Variants in ARHGEF4 observed in about 807,000 individuals in gnomAD.
ARHGEF4 encodes Rho guanine nucleotide exchange factor 4, also known as APC-stimulated guanine nucleotide exchange factor 1.
ARHGEF4 carries 119 observed loss-of-function variants against 162.0 expected under a neutral mutation model. That is an observed-to-expected ratio of 0.73 (90% CI 0.63 to 0.86). ARHGEF4 has a LOEUF of 0.86. Among genes scored for constraint, ARHGEF4 ranks in the 40% least tolerant of loss-of-function variants. The pLI, the probability that ARHGEF4 is intolerant of heterozygous loss-of-function variation, is 0.00. For missense variants in ARHGEF4, 2,488 were observed against 2,456.0 expected (o/e 1.01, Z -0.28); for synonymous variants, 1,014 against 979.9 (o/e 1.03, Z -0.65).
intron 1 of ARHGEF4, among the ~76,000 whole-genome samples, chr2:130,909,684 C>T (rs1446322327): frequency 6.6e-6 from 1 of 151,756 alleles, no homozygotes; most frequent in East Asian, 1.9e-4. Flanking sequence ...AGCAGTAATA[C>T]AAAGAAAATA....
At chr2:131,015,311 C>G (rs1306984798) in intron 4 of ARHGEF4, among the ~76,000 whole-genome samples, 2 of 152,090 alleles carry the variant, frequency 1.3e-5, no homozygotes, top group African/African-American at 4.8e-5. Context: ...TTTGTACAAC[C>G]TAAAAATTAA....
chr2:131,001,843 T>C (rs1159023012), intron 4 of ARHGEF4, among the ~76,000 whole-genome samples: 1 of 152,146 alleles, frequency 6.6e-6, no homozygotes, highest in Non-Finnish European at 1.5e-5. Context: ...AGTAAGATTA[T>C]AGAAAATGCA....
intron 5 of ARHGEF4, among the ~76,000 whole-genome samples, chr2:131,032,592 T>C (rs1321659112): frequency 1.3e-5 from 2 of 151,918 alleles, no homozygotes; most frequent in South Asian, 2.1e-4. Context: ...GCTGCCACTT[T>C]TGCGCAGGGC....
At chr2:130,973,230 T>G (rs935864151) in intron 4 of ARHGEF4, among the ~76,000 whole-genome samples, 1 of 152,268 alleles carries the variant, frequency 6.6e-6, no homozygotes, top group Non-Finnish European at 1.5e-5. Context: ...GGCTCATGCC[T>G]GTAATCCCAT....
intron 4 of ARHGEF4, among the ~76,000 whole-genome samples, chr2:131,024,143 GA>G (rs1377805134): frequency 2.6e-5 from 4 of 152,210 alleles, no homozygotes; most frequent in Non-Finnish European, 5.9e-5. Context: ...GATCATACTG[GA>G]CTTATGAAAG....
intron 1 of ARHGEF4, among the ~76,000 whole-genome samples, chr2:130,845,759 T>G (rs914789555): frequency 2.6e-5 from 4 of 152,136 alleles, no homozygotes; most frequent in Admixed American, 1.3e-4. Context: ...GGGTGGCACA[T>G]CCACAGAGCA....
chr2:130,864,162 G>C (rs1682089711), intron 1 of ARHGEF4, among the ~76,000 whole-genome samples: 1 of 151,488 alleles, frequency 6.6e-6, no homozygotes, highest in Non-Finnish European at 1.5e-5. Flanking sequence ...CTCCAGCCTG[G>C]GCGACAGAGA....
intron 1 of ARHGEF4, among the ~76,000 whole-genome samples, chr2:130,902,711 A>C (rs966686655): frequency 1.3e-5 from 2 of 149,372 alleles, no homozygotes; most frequent in African/African-American, 4.9e-5. Context: ...CTCTCGGCAC[A>C]TTATGTTGAC....
intron 4 of ARHGEF4, among the ~76,000 whole-genome samples, chr2:130,952,500 C>T (rs747651635): frequency 6.6e-6 from 1 of 152,068 alleles, no homozygotes; most frequent in Non-Finnish European, 1.5e-5. Flanking sequence ...TGACAACTGG[C>T]ACAAGATAGG....
At chr2:130,907,832 T>A (rs964387931) in intron 1 of ARHGEF4, among the ~76,000 whole-genome samples, 2 of 151,720 alleles carry the variant, frequency 1.3e-5, no homozygotes, top group African/African-American at 4.8e-5. Context: ...GGCATGCACC[T>A]ATAGTCCCAG....
rs749789415 is a variant in ARHGEF4, at chr2:130,931,074, C to G, written c.3675C>G (p.Leu1225=). The G allele has an allele frequency of 6.2e-7, 1 of 1,614,204 alleles. No individual in the cohort carries two copies. Among genetic ancestry groups the G allele is most frequent in the East Asian group, 2.2e-5 (1 of 44,876 alleles). ...CCACTGACATGGTGACATGGGCCCT[C>G]CTCTGCATCTCTGCAGAGACTGTGC... ...CFTTDMVTWA[L]LCISAETVRG... Residue 1225 remains leucine (L), a synonymous_variant, in exon 3 of 14, where the codon CTC becomes CTG. Transcript: ENST00000409359.
At chr2:130,922,645 A>G (rs963536603) in intron 2 of ARHGEF4, among the ~76,000 whole-genome samples, 1 of 152,188 alleles carries the variant, frequency 6.6e-6, no homozygotes, top group Non-Finnish European at 1.5e-5. Context: ...GTTAGTCTAG[A>G]GTCCGCATAG....
chr2:131,022,125 TTGTC>T (rs1449667862), intron 4 of ARHGEF4, among the ~76,000 whole-genome samples: 1 of 152,188 alleles, frequency 6.6e-6, no homozygotes, highest in African/African-American at 2.4e-5. Flanking sequence ...TGTAGTTTCT[TTGTC>T]TGGGTTTATT....
At chr2:131,024,853 G>A (rs1164279575) in intron 4 of ARHGEF4, among the ~76,000 whole-genome samples, 1 of 152,108 alleles carries the variant, frequency 6.6e-6, no homozygotes, top group Non-Finnish European at 1.5e-5. Flanking sequence ...AATATACAAC[G>A]TTCCTTATAC....
intron 1 of ARHGEF4, among the ~76,000 whole-genome samples, chr2:130,840,531 A>G (rs7585053): frequency 0.01 from 1,531 of 152,258 alleles, 29 homozygotes; most frequent in African/African-American, 0.034. Flanking sequence ...AGATCCATCC[A>G]GGTAGTCTTT....
At chr2:131,044,158 G>A (rs950278643) in intron 11 of ARHGEF4, 141 bp from the exon 12 acceptor site, 10 of 1,268,336 alleles carry the variant, frequency 7.9e-6, no homozygotes, top group African/African-American at 7.4e-5. Context: ...GGCATGCTCT[G>A]CCCTCAGGAT....
intron 1 of ARHGEF4, among the ~76,000 whole-genome samples, chr2:130,864,774 C>G (rs1682150329): frequency 6.6e-6 from 1 of 152,188 alleles, no homozygotes; most frequent in African/African-American, 2.4e-5. Context: ...CAAACATGTT[C>G]TAAGAGTAGA....
chr2:130,992,803 G>C (rs1219853158), intron 4 of ARHGEF4, among the ~76,000 whole-genome samples: 4 of 152,188 alleles, frequency 2.6e-5, no homozygotes, highest in Admixed American at 1.3e-4. Flanking sequence ...ACAGACATCG[G>C]CCAGGTTCAG....
intron 1 of ARHGEF4, among the ~76,000 whole-genome samples, chr2:130,887,341 A>G (rs547487766): frequency 6.6e-6 from 1 of 151,954 alleles, no homozygotes; most frequent in Admixed American, 6.5e-5. Flanking sequence ...CAAAAAAAAA[A>G]CAAAAAGGCT....
Sources: allele counts gnomAD v4.1 joint callset (sites outside exome capture counted in the v4.1 genomes callset), GRCh38; gene constraint gnomAD v4.1.1; transcripts MANE v1.5; gene names NCBI Gene and HGNC (gene_info 2026-07-23, HGNC 2026-07-21).